SLC15A2: variants seen among roughly 807,000 people sequenced by gnomAD.
The protein encoded by SLC15A2 is kidney H(+)/peptide cotransporter.
In SLC15A2, 77 loss-of-function variants were observed where a neutral mutation model predicts 95.5. The ratio of observed to expected loss-of-function variants is 0.81; its 90% confidence interval spans 0.67 to 0.97. The LOEUF is 0.97. Among genes scored for constraint, SLC15A2 ranks in the 50% least tolerant of loss-of-function variants. The pLI, the probability that SLC15A2 is intolerant of heterozygous loss-of-function variation, is 0.00. For missense variants in SLC15A2, 893 were observed against 874.4 expected (o/e 1.02, Z -0.27); for synonymous variants, 306 against 306.9 (o/e 1.00, Z 0.03).
intron 19 of SLC15A2, among the ~76,000 whole-genome samples, chr3:121,937,869 T>A (rs1340900824): frequency 6.6e-6 from 1 of 151,192 alleles, no homozygotes; most frequent in Non-Finnish European, 1.5e-5. Context: ...AGTTTTTCTG[T>A]TCTGTTTTTT....
rs2257123 is a variant in SLC15A2, at chr3:121,924,580, G to A, written c.1035+197G>A. Among the ~76,000 whole-genome samples, 67,636 of 151,782 alleles carry A rather than the reference G, an allele frequency of 0.45. 15,584 individuals are homozygous for A. The highest frequency in any genetic ancestry group is 0.69 in the East Asian group (3,570 of 5,154). On this transcript the variant is annotated intron_variant, in intron 12 of 21. Transcript: ENST00000489711. ...CCCTGTTAAGTACTTAACTTGCAACGGGTTAAGTGTAAGCATTGGATTTTT... is the reference window on the plus strand; with the variant it reads ...CCCTGTTAAGTACTTAACTTGCAACAGGTTAAGTGTAAGCATTGGATTTTT...
At chr3:121,926,005 T>A (rs752308498) in intron 13 of SLC15A2, among the ~76,000 whole-genome samples, 12 of 151,660 alleles carry the variant, frequency 7.9e-5, no homozygotes, top group Non-Finnish European at 1.6e-4. Context: ...AGAAAAACCA[T>A]CATAAGCAAA....
intron 19 of SLC15A2, among the ~76,000 whole-genome samples, chr3:121,938,278 T>A (rs1233220025): frequency 6.6e-6 from 1 of 152,248 alleles, no homozygotes; most frequent in Admixed American, 6.5e-5. Flanking sequence ...CGCCTTGAGC[T>A]GTGGTGGGCT....
rs1315159247 is a variant in SLC15A2 at position 121,927,903 on chromosome 3, A to G, written c.1206+64A>G. The G allele has an allele frequency of 3.2e-6, 4 of 1,263,830 alleles. No homozygotes were observed. The East Asian group carries it at 9.3e-5, about 30-fold the overall frequency. 78.3% of individuals were successfully genotyped at this position (1,263,830 alleles called of 1,614,324 possible). On this transcript the variant is annotated intron_variant, in intron 14 of 21. Transcript: ENST00000489711. Reference sequence around the variant, plus strand: ...CATATCTTTCTTATTTGCTCTTTTGACTTGTTCAGTCATGATTCCCTGGGA... The same window carrying G: ...CATATCTTTCTTATTTGCTCTTTTGGCTTGTTCAGTCATGATTCCCTGGGA...
intron 7 of SLC15A2, among the ~76,000 whole-genome samples, chr3:121,916,537 A>C (rs1240452400): frequency 6.6e-6 from 1 of 152,220 alleles, no homozygotes; most frequent in Admixed American, 6.5e-5. Context: ...TAGTACTCAG[A>C]ATTCCCAATG....
At chr3:121,919,267 G>C (rs148000079) in intron 7 of SLC15A2, among the ~76,000 whole-genome samples, 49 of 152,284 alleles carry the variant, frequency 3.2e-4, no homozygotes, top group African/African-American at 8.9e-4. Context: ...AGCTGCCCAG[G>C]GGTGTCACAG....
intron 19 of SLC15A2, among the ~76,000 whole-genome samples, chr3:121,933,331 C>G (rs1444967991): frequency 6.6e-6 from 1 of 151,016 alleles, no homozygotes; most frequent in Non-Finnish European, 1.5e-5. Context: ...CCTGAGGAAT[C>G]GCCACACTGA....
intron 12 of SLC15A2, 72 bp from the exon 13 acceptor site, chr3:121,924,873 C>A (rs1383307287): frequency 2.8e-6 from 3 of 1,056,526 alleles, no homozygotes; most frequent in East Asian, 2.4e-5. Flanking sequence ...TGTAAACAAG[C>A]AAATGAGTGC....
intron 6 of SLC15A2, 36 bp from the exon 7 acceptor site, chr3:121,915,580 A>G: frequency 2.7e-6 from 4 of 1,468,528 alleles, no homozygotes; most frequent in Non-Finnish European, 3.8e-6. Context: ...TTCAAGACTC[A>G]GAGTTACTTT....
At chr3:121,896,918 AAG>A (rs1491450259) in intron 2 of SLC15A2, among the ~76,000 whole-genome samples, 81 of 139,656 alleles carry the variant, frequency 5.8e-4, no homozygotes, top group African/African-American at 2.0e-3. Context: ...AAAAAAAAAA[AAG>A]GGGGGGGAGG....
chr3:121,940,774 A>G, intron 21 of SLC15A2, 57 bp from the exon 22 acceptor site: 2 of 1,542,474 alleles, frequency 1.3e-6, no homozygotes, highest in Admixed American at 3.7e-5. Flanking sequence ...CATCCTGTAA[A>G]GATCTCTTTA....
chr3:121,913,351 T>G (rs183411294), intron 5 of SLC15A2, among the ~76,000 whole-genome samples: 12 of 152,168 alleles, frequency 7.9e-5, no homozygotes, highest in Non-Finnish European at 1.2e-4. Flanking sequence ...GAGGAAAGAT[T>G]GAAGGAAATA....
chr3:121,922,205 G>A lies in SLC15A2; in HGVS notation c.698-15G>A. On this transcript the variant is annotated splice_polypyrimidine_tract_variant and intron_variant, in intron 7 of 21. Coordinates refer to ENST00000489711, the MANE Select transcript of SLC15A2 (RefSeq NM_021082.4). Reference sequence around the variant, plus strand: ...AAATGAGAAGCTAAGAACCTTGTTTGTGTATCAACTGCAGTTGTGTTTGCA... The same window carrying A: ...AAATGAGAAGCTAAGAACCTTGTTTATGTATCAACTGCAGTTGTGTTTGCA... 6.2e-7 allele frequency: 1 copy of A among 1,608,702 alleles called. No individual in the cohort carries two copies. The highest frequency in any genetic ancestry group is 8.5e-7 in the Non-Finnish European group (1 of 1,175,458).
At chr3:121,901,885 C>T (rs1709527408) in intron 3 of SLC15A2, among the ~76,000 whole-genome samples, 1 of 151,826 alleles carries the variant, frequency 6.6e-6, no homozygotes, top group Non-Finnish European at 1.5e-5. Context: ...TACTTTTATT[C>T]ACGTGTTACT....
intron 19 of SLC15A2, among the ~76,000 whole-genome samples, chr3:121,936,748 C>A (rs1427353321): frequency 6.0e-5 from 9 of 149,004 alleles, no homozygotes; most frequent in East Asian, 4.0e-4. Flanking sequence ...TTAATTGGAG[C>A]ATTTAGTCCA....
intron 13 of SLC15A2, among the ~76,000 whole-genome samples, chr3:121,925,777 T>TAC (rs1481226189): frequency 2.6e-4 from 9 of 35,270 alleles, no homozygotes; most frequent in African/African-American, 1.1e-3. Context: ...TATATATATA[T>TAC]ATATAAAATA....
At chr3:121,911,456 C>A in intron 3 of SLC15A2, 118 bp from the exon 4 acceptor site, 1 of 650,702 alleles carries the variant, frequency 1.5e-6, no homozygotes, top group Non-Finnish European at 2.8e-6. Context: ...ATTCTTTCCT[C>A]CTCCCTCCTC....
chr3:121,906,956 G>T (rs1244611041), intron 3 of SLC15A2, among the ~76,000 whole-genome samples: 1 of 152,154 alleles, frequency 6.6e-6, no homozygotes, highest in South Asian at 2.1e-4. Context: ...TTCCAACTTG[G>T]TTCCATTCTC....
At chr3:121,923,836 G>C (rs1193593592) in intron 11 of SLC15A2, among the ~76,000 whole-genome samples, 1 of 152,144 alleles carries the variant, frequency 6.6e-6, no homozygotes, top group Non-Finnish European at 1.5e-5. Flanking sequence ...TGAAAAGACA[G>C]AGTAGAATGA....
Sources: allele counts gnomAD v4.1 joint callset (sites outside exome capture counted in the v4.1 genomes callset), GRCh38; gene constraint gnomAD v4.1.1; transcripts MANE v1.5; gene names NCBI Gene and HGNC (gene_info 2026-07-23, HGNC 2026-07-21).